The following KCNIP4 variants were observed in gnomAD, a reference collection of about 807,000 sequenced individuals.
The protein encoded by KCNIP4 is potassium voltage-gated channel interacting protein 4, also known as Kv channel-interacting protein 4.
Under a neutral mutation model 34.0 loss-of-function variants are expected in KCNIP4, and 12 were observed. The ratio of observed to expected loss-of-function variants is 0.35; its 90% CI spans 0.23 to 0.57. KCNIP4 has a LOEUF of 0.57. Among genes scored for constraint, KCNIP4 ranks in the 20% least tolerant of loss-of-function variants. The pLI is 0.83. For missense variants in KCNIP4, 238 were observed against 311.7 expected, an observed-to-expected ratio of 0.76 and a Z score of 1.78; for synonymous variants, 124 against 102.2, an observed-to-expected ratio of 1.21 and a Z score of -1.29.
intron 1 of KCNIP4, among the ~76,000 whole-genome samples, chr4:21,329,479 C>T (rs1715410514): frequency 6.6e-6 from 1 of 152,134 alleles, no homozygotes; most frequent in Non-Finnish European, 1.5e-5. Context: ...TATCAGTATA[C>T]AAGAAATAAT....
chr4:20,843,765 G>A (rs1269567828), intron 3 of KCNIP4, among the ~76,000 whole-genome samples: 1 of 152,086 alleles, frequency 6.6e-6, no homozygotes, highest in Non-Finnish European at 1.5e-5. Context: ...AAAATTGAAA[G>A]AAACAAATAA....
At chr4:21,776,914 C>A (rs574280687) in intron 1 of KCNIP4, among the ~76,000 whole-genome samples, 2 of 152,046 alleles carry the variant, frequency 1.3e-5, no homozygotes, top group South Asian at 4.2e-4. Flanking sequence ...AGGCATCCAC[C>A]ACTACACCTG....
chr4:21,022,006 A>G (rs973174661), intron 1 of KCNIP4, among the ~76,000 whole-genome samples: 1 of 152,124 alleles, frequency 6.6e-6, no homozygotes, highest in Admixed American at 6.6e-5. Flanking sequence ...CTGGCAGCAC[A>G]GTAGGTTTTT....
chr4:21,089,116 G>A (rs1394023387), intron 1 of KCNIP4, among the ~76,000 whole-genome samples: 1 of 152,156 alleles, frequency 6.6e-6, no homozygotes. Context: ...TATCCCCTTT[G>A]TATGGTTTGG....
rs1264058532 is a variant in KCNIP4 at position 21,587,414 on chromosome 4, A to C, written c.61+361157T>G. 2.0e-5 allele frequency among the ~76,000 whole-genome samples: 3 copies of C among 152,022 alleles called. No homozygotes were observed. The South Asian group carries it at 6.2e-4, about 31-fold the overall frequency. ...ACATAACCCATCACTCTTTCTTTAC[A>C]TCACTCCATTTAATTTCTGCATTCA... On this transcript the variant is annotated intron_variant, in intron 1 of 8. Coordinates refer to ENST00000382152, the MANE Select transcript of KCNIP4 (RefSeq NM_025221.6).
intron 1 of KCNIP4, among the ~76,000 whole-genome samples, chr4:21,777,301 G>A (rs1025348443): frequency 6.6e-6 from 1 of 152,110 alleles, no homozygotes; most frequent in Non-Finnish European, 1.5e-5. Context: ...TAATACAGAT[G>A]TCTTCACTCT....
intron 1 of KCNIP4, among the ~76,000 whole-genome samples, chr4:21,643,864 T>C (rs1560587560): frequency 1.0e-5 from 1 of 97,506 alleles, no homozygotes. Context: ...TAGGTGATGA[T>C]GATGATGATA....
chr4:21,540,850 G>A (rs1737623757), intron 1 of KCNIP4, among the ~76,000 whole-genome samples: 1 of 152,040 alleles, frequency 6.6e-6, no homozygotes, highest in African/African-American at 2.4e-5. Context: ...TATTTAGAGT[G>A]TTTTAAAGCA....
chr4:20,958,717 T>C (rs1284672432), intron 1 of KCNIP4, among the ~76,000 whole-genome samples: 1 of 152,172 alleles, frequency 6.6e-6, no homozygotes, highest in Non-Finnish European at 1.5e-5. Context: ...AGCTCTACTA[T>C]TTGGGAGATA....
chr4:21,658,370 G>C (rs1748141407), intron 1 of KCNIP4, among the ~76,000 whole-genome samples: 1 of 152,138 alleles, frequency 6.6e-6, no homozygotes, highest in African/African-American at 2.4e-5. Context: ...GTTCCAGCCT[G>C]TGAAGAGAAC....
intron 1 of KCNIP4, among the ~76,000 whole-genome samples, chr4:21,316,088 T>A (rs758505493): frequency 6.6e-6 from 1 of 152,200 alleles, no homozygotes; most frequent in Non-Finnish European, 1.5e-5. Context: ...TCAGCTTAAA[T>A]CCTTCCACTT....
At chr4:21,156,484 A>T in intron 1 of KCNIP4, among the ~76,000 whole-genome samples, 1 of 152,210 alleles carries the variant, frequency 6.6e-6, no homozygotes, top group East Asian at 1.9e-4. Flanking sequence ...AGAGCTATGC[A>T]TGAGAGCCAC....
rs1415069382 is a variant in KCNIP4 at position 21,820,281 on chromosome 4, GTGTGTATATATA to G, written c.61+128278_61+128289del. Among the ~76,000 whole-genome samples the G allele has an allele frequency of 3.3e-4, 6 of 17,920 alleles. No homozygotes were observed. The South Asian group carries it at 0.017, about 50-fold the overall frequency. 11.8% of individuals were successfully genotyped at this position (17,920 alleles called of 152,430 possible). ...GTATGTATATCTTATGTATGTGTGT[GTGTGTATATATA>G]TATATATATATATATATATATATAT... On this transcript the variant is annotated intron_variant, in intron 1 of 8. Transcript: ENST00000382152.
At chr4:21,586,688 A>C (rs933821545) in intron 1 of KCNIP4, among the ~76,000 whole-genome samples, 2 of 152,112 alleles carry the variant, frequency 1.3e-5, no homozygotes, top group Non-Finnish European at 2.9e-5. Context: ...AGCCTGATGC[A>C]TTAGTCACTT....
chr4:21,508,335 C>T (rs537709751), intron 1 of KCNIP4, among the ~76,000 whole-genome samples: 3 of 152,296 alleles, frequency 2.0e-5, no homozygotes, highest in African/African-American at 7.2e-5. Flanking sequence ...CTTTGCTTCT[C>T]AGTCTGAAAA....
intron 1 of KCNIP4, among the ~76,000 whole-genome samples, chr4:21,030,380 T>C (rs1740912048): frequency 6.6e-6 from 1 of 152,174 alleles, no homozygotes; most frequent in African/African-American, 2.4e-5. Flanking sequence ...TCCTACTCAT[T>C]CTATATTATG....
intron 1 of KCNIP4, among the ~76,000 whole-genome samples, chr4:21,522,058 C>T (rs895546274): frequency 2.4e-4 from 37 of 152,244 alleles, no homozygotes; most frequent in African/African-American, 8.4e-4. Context: ...ATTACTTCAA[C>T]ATGTGTCTGT....
chr4:21,618,928 C>T (rs976672071), intron 1 of KCNIP4, among the ~76,000 whole-genome samples: 6 of 151,864 alleles, frequency 4.0e-5, no homozygotes, highest in East Asian at 1.9e-4. Flanking sequence ...CCACCGTGCC[C>T]GGCCATATTT....
chr4:21,729,187 G>T (rs565052002), intron 1 of KCNIP4, among the ~76,000 whole-genome samples: 9 of 152,122 alleles, frequency 5.9e-5, no homozygotes, highest in Non-Finnish European at 1.0e-4. Context: ...AAAAAATACA[G>T]ATGTATATTT....
Sources: allele counts gnomAD v4.1 joint callset (sites outside exome capture counted in the v4.1 genomes callset), GRCh38; gene constraint gnomAD v4.1.1; transcripts MANE v1.5; gene names NCBI Gene and HGNC (gene_info 2026-07-23, HGNC 2026-07-21).